PDXDC1: variants seen among roughly 807,000 people sequenced by gnomAD.
PDXDC1 encodes pyridoxal-dependent decarboxylase domain-containing protein 1.
Under a neutral mutation model 100.1 loss-of-function variants are expected in PDXDC1, and 42 were observed. The observed-to-expected ratio is 0.42, with a 90% CI of 0.33 to 0.54. PDXDC1 has a LOEUF of 0.54. PDXDC1 is among the 20% of genes least tolerant of loss of function. The pLI is 0.10. For synonymous variants in PDXDC1, 260 were observed against 371.7 expected (o/e 0.70, Z 3.46); for missense variants, 636 against 979.2 (o/e 0.65, Z 4.68).
At chr16:14,984,315 CTTT>C (rs1167894912) in intron 1 of PDXDC1, among the ~76,000 whole-genome samples, 393 of 106,742 alleles carry the variant, frequency 3.7e-3, no homozygotes, top group Middle Eastern at 5.7e-3. Flanking sequence ...GCACCCCCGC[CTTT>C]TTTTTTTTTT....
At chr16:15,033,015 G>A in intron 18 of PDXDC1, 36 bp downstream of exon 18, 1 of 1,283,236 alleles carries the variant, frequency 7.8e-7, no homozygotes, top group Non-Finnish European at 1.1e-6. Context: ...TGTGGGGTTT[G>A]GAAGGACACT....
intron 16 of PDXDC1, among the ~76,000 whole-genome samples, chr16:15,096,550 A>G (rs2046362009): frequency 6.6e-6 from 1 of 152,270 alleles, no homozygotes; most frequent in African/African-American, 2.4e-5. Context: ...GGACAGAGGA[A>G]ATAATTGCAC....
intron 14 of PDXDC1, 93 bp from the exon 15 acceptor site, chr16:15,028,785 A>C (rs555684560): frequency 8.3e-7 from 1 of 1,202,368 alleles, no homozygotes; most frequent in South Asian, 1.4e-5. Flanking sequence ...CCTGGGGCTA[A>C]TATTGGGATG....
downstream of PDXDC1, among the ~76,000 whole-genome samples, chr16:15,039,104 A>T (rs2043687097): frequency 6.6e-6 from 1 of 152,202 alleles, no homozygotes; most frequent in South Asian, 2.1e-4. Context: ...TTAAAAGCAT[A>T]CAGTGCCTGC....
chr16:14,985,477 C>T (rs150408062), intron 1 of PDXDC1, among the ~76,000 whole-genome samples: 10 of 152,186 alleles, frequency 6.6e-5, no homozygotes, highest in East Asian at 2.0e-4. Context: ...CTAGTAGAGA[C>T]GGGGTTTCTA....
At chr16:15,135,987 C>A in intron 16 of PDXDC1, 4 of 1,559,478 alleles carry the variant, frequency 2.6e-6, no homozygotes, top group East Asian at 2.3e-5. Flanking sequence ...TGGGCCCGAG[C>A]CAGATGCAGT....
chr16:15,061,948 A>C (rs764468608), intron 16 of PDXDC1: 1 of 1,558,334 alleles, frequency 6.4e-7, no homozygotes, highest in South Asian at 1.1e-5. Flanking sequence ...ACCAGTGCTG[A>C]CTGAAAAGCT....
At chr16:14,979,354 G>A (rs1208522168) in intron 1 of PDXDC1, among the ~76,000 whole-genome samples, 2 of 152,252 alleles carry the variant, frequency 1.3e-5, no homozygotes, top group Non-Finnish European at 2.9e-5. Context: ...CAGTGGCACA[G>A]TCTCTGCTCA....
intron 16 of PDXDC1, chr16:15,135,676 G>A (rs1289745798): frequency 1.9e-6 from 3 of 1,596,122 alleles, no homozygotes; most frequent in East Asian, 2.2e-5. Context: ...AGGCCCACTG[G>A]AAACTGAGCG....
At chr16:14,985,281 CTTTTTT>C (rs769346480) in intron 1 of PDXDC1, among the ~76,000 whole-genome samples, 2 of 114,506 alleles carry the variant, frequency 1.7e-5, no homozygotes, top group African/African-American at 3.2e-5. Flanking sequence ...TGATAAACAA[CTTTTTT>C]TTTTTTTTTT....
intron 16 of PDXDC1, chr16:15,073,164 A>G (rs1330123852): frequency 6.9e-5 from 101 of 1,453,692 alleles, no homozygotes; most frequent in South Asian, 2.9e-4. Context: ...ACACAACACC[A>G]TTAAAAAACA....
intron 16 of PDXDC1, among the ~76,000 whole-genome samples, chr16:15,077,997 C>A (rs1175753579): frequency 1.3e-5 from 2 of 152,224 alleles, no homozygotes; most frequent in East Asian, 1.9e-4. Flanking sequence ...AAATGATGAA[C>A]TGCCAGCCAA....
At chr16:15,111,989 C>T (rs2047087089) in intron 16 of PDXDC1, among the ~76,000 whole-genome samples, 1 of 147,754 alleles carries the variant, frequency 6.8e-6, no homozygotes, top group Non-Finnish European at 1.5e-5. Flanking sequence ...TCTTCTGTCC[C>T]TGCTCTACTC....
In PDXDC1 at chr16:15,069,984, A is replaced by C. The variant is rs576170271; in HGVS notation, c.1399+39928A>C. The C allele has an allele frequency of 6.9e-5, 92 of 1,333,032 alleles. 1 individual carries two copies. The highest frequency in any genetic ancestry group is 4.0e-4 in the Admixed American group (18 of 44,736). 82.6% of individuals were successfully genotyped at this position (1,333,032 alleles called of 1,614,324 possible). Reference sequence around the variant, plus strand: ...CAGTTTTCTGAATCCAGTTTTTATAAAAATCTCAAAAAAGTAATGAATCAC... The same window carrying C: ...CAGTTTTCTGAATCCAGTTTTTATACAAATCTCAAAAAAGTAATGAATCAC... On this transcript the variant is annotated intron_variant, in intron 16 of 16. Transcript: ENST00000535621.
At chr16:15,128,908 C>A (rs2047906339) in intron 16 of PDXDC1, among the ~76,000 whole-genome samples, 1 of 149,796 alleles carries the variant, frequency 6.7e-6, no homozygotes, top group Non-Finnish European at 1.5e-5. Context: ...CGGGTTCACG[C>A]CATTCTCCTG....
intron 16 of PDXDC1, 61 bp from the exon 17 acceptor site, chr16:15,031,674 C>T (rs193012367): frequency 1.4e-6 from 2 of 1,415,442 alleles, no homozygotes; most frequent in Non-Finnish European, 2.0e-6. Flanking sequence ...GAAGAGGGAG[C>T]CCTGCCCTCT....
rs754221369 is a variant in PDXDC1 at position 15,127,997 on chromosome 16, GCCAGCACCTCCTTCTCCA to G, written c.1400-10877_1400-10860del. ...AACATGGAACGAGGCCTTACTCGCGGCCAGCACCTCCTTCTCCACCAGGCCCCCGTTGGCCTCCGTCTC... is the reference window on the plus strand; with the variant it reads ...AACATGGAACGAGGCCTTACTCGCGGCCAGGCCCCCGTTGGCCTCCGTCTC... On this transcript the variant is annotated intron_variant, in intron 16 of 16. Coordinates refer to the PDXDC1 transcript ENST00000535621. 4.4e-6 allele frequency: 7 copies of G among 1,592,418 alleles called. No individual in the cohort carries two copies. In the South Asian group the frequency reaches 7.7e-5, roughly 18 times the overall value.
At chr16:15,131,539 G>T in intron 16 of PDXDC1, 5 of 1,609,374 alleles carry the variant, frequency 3.1e-6, no homozygotes, top group Non-Finnish European at 4.2e-6. Flanking sequence ...CTCCTCGCCC[G>T]CCAGTGTCAG....
the PDXDC1 span, among the ~76,000 whole-genome samples, chr16:15,149,376 G>A: frequency 6.6e-6 from 1 of 152,208 alleles, no homozygotes; most frequent in Non-Finnish European, 1.5e-5. Context: ...TCTGCTGAGG[G>A]CTCATGGAGG....
Sources: gnomAD v4.1 joint callset for allele counts (sites outside exome capture counted in the v4.1 genomes callset) on GRCh38, gnomAD v4.1.1 for gene constraint, MANE v1.5 for transcripts, NCBI Gene and HGNC (gene_info 2026-07-23, HGNC 2026-07-21) for gene names.